The following FOXN3 variants were observed in gnomAD, a reference collection of about 807,000 sequenced individuals.
FOXN3 encodes forkhead box N3.
In FOXN3, 7 loss-of-function variants were observed where a neutral mutation model predicts 38.4. The ratio of observed to expected loss-of-function variants is 0.18; its 90% CI spans 0.10 to 0.34. FOXN3 has a LOEUF of 0.34. Among genes scored for constraint, FOXN3 ranks in the 10% least tolerant of loss-of-function variants. The pLI is 1.00. For synonymous variants in FOXN3, 230 were observed against 242.2 expected, an observed-to-expected ratio of 0.95 and a Z score of 0.47; for missense variants, 456 against 613.4, an observed-to-expected ratio of 0.74 and a Z score of 2.71.
rs1195896708 is a variant in FOXN3 at position 89,157,465 on chromosome 14, AAAGG to A, written c.*4945_*4948del. On this transcript the variant is annotated 3_prime_UTR_variant, in exon 6 of 6. Coordinates refer to ENST00000557258, the MANE Select transcript of FOXN3 (RefSeq NM_005197.4). ...TAACCACCATCGCCGGTGCTCTCTCAAAGGAAGAGGGGTTAACAGATGAATTCAC... is the reference window on the plus strand; with the variant it reads ...TAACCACCATCGCCGGTGCTCTCTCAAAGAGGGGTTAACAGATGAATTCAC... The A allele has an allele frequency of 6.6e-6, 1 of 152,646 alleles. No individual in the cohort carries two copies. The highest frequency in any genetic ancestry group is 1.5e-5 in the Non-Finnish European group (1 of 68,034). 9.5% of individuals were successfully genotyped at this position (152,646 alleles called of 1,614,324 possible). A position where few individuals can be genotyped will look rare whatever the true frequency, so the allele number is the denominator to read the frequency against.
At chr14:89,423,673 A>C (rs1032438750) in intron 1 of FOXN3, among the ~76,000 whole-genome samples, 1 of 152,240 alleles carries the variant, frequency 6.6e-6, no homozygotes, top group African/African-American at 2.4e-5. Flanking sequence ...AACTGTAAAA[A>C]TCAAAGAAAT....
At chr14:89,390,941 T>G (rs1022874664) in intron 2 of FOXN3, among the ~76,000 whole-genome samples, 1 of 152,158 alleles carries the variant, frequency 6.6e-6, no homozygotes, top group African/African-American at 2.4e-5. Flanking sequence ...TCAGAACAGA[T>G]GAGTCGAAGA....
At chr14:89,246,869 G>A (rs115526083) in intron 4 of FOXN3, among the ~76,000 whole-genome samples, 4,803 of 152,176 alleles carry the variant, frequency 0.032, 101 homozygotes, top group African/African-American at 0.052. Context: ...AGAAAAGAGA[G>A]CATGACAAGA....
At chr14:89,587,414 C>T (rs1027202423) in intron 1 of FOXN3, among the ~76,000 whole-genome samples, 3 of 152,086 alleles carry the variant, frequency 2.0e-5, no homozygotes, top group African/African-American at 7.2e-5. Flanking sequence ...CCCACAGGAG[C>T]CAGGCAGACA....
intron 1 of FOXN3, among the ~76,000 whole-genome samples, chr14:89,453,297 C>T (rs1335764223): frequency 6.6e-6 from 1 of 151,918 alleles, no homozygotes; most frequent in African/African-American, 2.4e-5. Flanking sequence ...TGGCTCAAGC[C>T]TGTAATCCCA....
At chr14:89,342,169 C>CGGAGTGGTTCTCTCAGTCA (rs1555419513) in intron 3 of FOXN3, among the ~76,000 whole-genome samples, 1 of 152,150 alleles carries the variant, frequency 6.6e-6, no homozygotes, top group Non-Finnish European at 1.5e-5. Context: ...AAAGGTAACT[C>CGGAGTGGTTCTCTCAGTCA]GGAGTGGTTC....
At chr14:89,421,690 C>G (rs150899896), upstream of FOXN3, among the ~76,000 whole-genome samples, 306 of 151,174 alleles carry the variant, frequency 2.0e-3, 3 homozygotes, top group African/African-American at 6.7e-3. Context: ...CCACGCACGG[C>G]TAATTTTTGT....
rs578158275 is a variant in FOXN3 at position 89,440,588 on chromosome 14, T to C, written c.-14-28098A>G. ...TTCCTGGCTCAAAAAGCACCCCCAC[T>C]GAGCACCTTGCGACCCCGACTCCTG... On this transcript the variant is annotated intron_variant, in intron 1 of 6. Coordinates refer to the FOXN3 transcript ENST00000345097. Among the ~76,000 whole-genome samples the C allele has an allele frequency of 3.9e-5, 6 of 152,306 alleles. No individual in the cohort carries two copies. The East Asian group carries it at 1.2e-3, about 29-fold the overall frequency.
At chr14:89,451,583 G>C (rs892211660) in intron 1 of FOXN3, among the ~76,000 whole-genome samples, 1 of 152,084 alleles carries the variant, frequency 6.6e-6, no homozygotes, top group African/African-American at 2.4e-5. Context: ...CTTGAGAACT[G>C]GTCAGGATGA....
chr14:89,373,532 C>T (rs1342083680), intron 2 of FOXN3, among the ~76,000 whole-genome samples: 1 of 152,162 alleles, frequency 6.6e-6, no homozygotes, highest in Non-Finnish European at 1.5e-5. Context: ...TTTTCTGTAG[C>T]TTTCCCATAC....
chr14:89,325,518 G>A (rs1019826775), intron 3 of FOXN3, among the ~76,000 whole-genome samples: 7 of 152,210 alleles, frequency 4.6e-5, no homozygotes, highest in African/African-American at 1.7e-4. Context: ...AGGTGAAACA[G>A]TTCTAAATGG....
At position 89,511,135 on chromosome 14, in the gene FOXN3, T is replaced by C. The variant is rs1894049321; in HGVS notation, c.-14-98645A>G. 7.6e-5 allele frequency among the ~76,000 whole-genome samples: 2 copies of C among 26,272 alleles called. 1 individual carries two copies. Among genetic ancestry groups the C allele is most frequent in the Non-Finnish European group, 4.2e-4 (2 of 4,756 alleles). The allele number at this position is 26,272 out of a possible 152,430, so 17.2% of individuals were successfully genotyped here. A position where few individuals can be genotyped will look rare whatever the true frequency, so the allele number is the denominator to read the frequency against. ...GACCTGCTTGGTGTCTTTCTTTCTT[T>C]CTTTCTTTTCTTTCTTTCTTTCTTT... On this transcript the variant is annotated intron_variant, in intron 1 of 6. Coordinates refer to the FOXN3 transcript ENST00000345097.
At chr14:89,461,731 T>C (rs1423704044) in intron 1 of FOXN3, among the ~76,000 whole-genome samples, 2 of 152,096 alleles carry the variant, frequency 1.3e-5, no homozygotes. Context: ...AGAGCTGGTG[T>C]AGTCAGGAGG....
At chr14:89,323,695 G>A (rs1350611213) in intron 3 of FOXN3, among the ~76,000 whole-genome samples, 1 of 150,108 alleles carries the variant, frequency 6.7e-6, no homozygotes, top group Non-Finnish European at 1.5e-5. Flanking sequence ...CTCCAGCCTG[G>A]GCAACAGAAT....
intron 3 of FOXN3, among the ~76,000 whole-genome samples, chr14:89,317,971 C>G (rs558351556): frequency 8.0e-4 from 121 of 150,608 alleles, no homozygotes; most frequent in African/African-American, 2.8e-3. Flanking sequence ...CAGTTTCATC[C>G]CAAAACTATG....
upstream of FOXN3, among the ~76,000 whole-genome samples, chr14:89,420,750 G>A (rs1182161020): frequency 6.6e-6 from 1 of 152,086 alleles, no homozygotes; most frequent in Non-Finnish European, 1.5e-5. Context: ...CAGATTAGTG[G>A]GTAAGAGTGC....
intron 3 of FOXN3, among the ~76,000 whole-genome samples, chr14:89,330,777 T>A (rs1201548739): frequency 2.0e-5 from 3 of 152,174 alleles, no homozygotes; most frequent in South Asian, 4.1e-4. Context: ...GTAAAATGCA[T>A]CACCTGTGGA....
intron 3 of FOXN3, among the ~76,000 whole-genome samples, chr14:89,298,527 A>G (rs1887116697): frequency 6.6e-6 from 1 of 150,662 alleles, no homozygotes; most frequent in Non-Finnish European, 1.5e-5. Context: ...TGTGTCTTTT[A>G]CCACAATTTA....
At chr14:89,503,893 A>T (rs922367012) in intron 1 of FOXN3, among the ~76,000 whole-genome samples, 1 of 152,216 alleles carries the variant, frequency 6.6e-6, no homozygotes, top group Non-Finnish European at 1.5e-5. Flanking sequence ...GCTTCCAAAG[A>T]CAGATGCGAC....
Sources: gnomAD v4.1 joint callset for allele counts (sites outside exome capture counted in the v4.1 genomes callset) on GRCh38, gnomAD v4.1.1 for gene constraint, MANE v1.5 for transcripts, NCBI Gene and HGNC (gene_info 2026-07-23, HGNC 2026-07-21) for gene names.